Variants in ESYT2 observed in about 807,000 individuals in gnomAD.
ESYT2 encodes extended synaptotagmin-2.
In ESYT2, 54 loss-of-function variants were observed where a neutral mutation model predicts 107.2. That is an observed-to-expected ratio of 0.50 (90% CI 0.40 to 0.63). The LOEUF is 0.63. ESYT2 is among the 30% of genes least tolerant of loss of function. The pLI is 0.00. For missense variants in ESYT2, 1,020 were observed against 1,094.5 expected (o/e 0.93, Z 0.96); for synonymous variants, 491 against 434.1 (o/e 1.13, Z -1.63).
At chr7:158,820,283 T>C (rs1382244649) in intron 1 of ESYT2, among the ~76,000 whole-genome samples, 5 of 152,192 alleles carry the variant, frequency 3.3e-5, no homozygotes, top group Non-Finnish European at 7.3e-5. Context: ...GTTCAAGAGA[T>C]CTATTGTACA....
rs768761539 is a variant in ESYT2 at position 158,767,722 on chromosome 7, G to A, written c.856C>T (p.Pro286Ser). Residue 286 changes from proline to serine, a missense_variant, in exon 8 of 23, where the codon CCC becomes TCC. Coordinates refer to ENST00000275418, the MANE Select transcript of ESYT2 (RefSeq NM_001367773.1). ...ACAAGTGGAACGGTGATTCGATTGG[G>A]AAGCACCAGATAGTTTGATATTATA... is the stretch of plus-strand genomic sequence containing the variant. ...LDIISNYLVL[P>S]NRITVPLVSE... 1 of 1,613,144 alleles carries A rather than the reference G, an allele frequency of 6.2e-7. No individual in the cohort carries two copies. The highest frequency in any genetic ancestry group is 1.7e-5 in the Admixed American group (1 of 59,904).
intron 16 of ESYT2, among the ~76,000 whole-genome samples, chr7:158,745,687 A>G (rs1038876352): frequency 1.4e-5 from 2 of 141,202 alleles, no homozygotes; most frequent in Non-Finnish European, 3.0e-5. Context: ...CAATAATAGA[A>G]AGATTAAAAA....
chr7:158,804,212 G>A (rs1839737936), intron 1 of ESYT2, among the ~76,000 whole-genome samples: 1 of 64,976 alleles, frequency 1.5e-5, no homozygotes, highest in African/African-American at 7.8e-5. Context: ...GGTGAGGCGC[G>A]CGACAAACCC....
At chr7:158,749,579 A>G in intron 15 of ESYT2, 70 bp downstream of exon 15, 1 of 1,457,444 alleles carries the variant, frequency 6.9e-7, no homozygotes, top group Non-Finnish European at 9.6e-7. Flanking sequence ...CGGCATCCCC[A>G]GGTGAGACGG....
intron 1 of ESYT2, among the ~76,000 whole-genome samples, chr7:158,817,108 T>C (rs1840167829): frequency 6.6e-6 from 1 of 152,184 alleles, no homozygotes. Flanking sequence ...CTCCCAACTA[T>C]CTGAACAGCT....
At chr7:158,823,132 T>C (rs556850349) in intron 1 of ESYT2, among the ~76,000 whole-genome samples, 5 of 151,146 alleles carry the variant, frequency 3.3e-5, no homozygotes, top group African/African-American at 9.7e-5. Context: ...GTCTGCACTA[T>C]AATACAAAAG....
intron 6 of ESYT2, among the ~76,000 whole-genome samples, chr7:158,775,210 A>G (rs1422713472): frequency 1.3e-5 from 2 of 152,222 alleles, no homozygotes; most frequent in Admixed American, 1.3e-4. Flanking sequence ...AAAAATGCTA[A>G]CGATCACATA....
At chr7:158,809,021 CA>C (rs970550396) in intron 1 of ESYT2, among the ~76,000 whole-genome samples, 11 of 151,848 alleles carry the variant, frequency 7.2e-5, no homozygotes, top group African/African-American at 2.7e-4. Flanking sequence ...AATAAATAAA[CA>C]AATAAGTTTG....
chr7:158,779,317 T>C (rs1838687764), intron 6 of ESYT2, among the ~76,000 whole-genome samples: 1 of 152,160 alleles, frequency 6.6e-6, no homozygotes, highest in African/African-American at 2.4e-5. Flanking sequence ...GCTGTAGTAG[T>C]GTGCTCCACT....
intron 1 of ESYT2, among the ~76,000 whole-genome samples, chr7:158,809,084 T>C (rs564466980): frequency 6.6e-6 from 1 of 152,330 alleles, no homozygotes; most frequent in East Asian, 1.9e-4. Flanking sequence ...GGTTTGGTAC[T>C]ATCTTGTTTC....
In ESYT2 at chr7:158,818,761, C is replaced by A. The variant is rs529961591; in HGVS notation, c.330+10328G>T. 5.5e-4 allele frequency among the ~76,000 whole-genome samples: 84 copies of A among 152,362 alleles called. 1 individual carries two copies. Among genetic ancestry groups the A allele is most frequent in the African/African-American group, 1.9e-3 (80 of 41,596 alleles). On this transcript the variant is annotated intron_variant, in intron 1 of 22. Coordinates refer to ENST00000275418, the MANE Select transcript of ESYT2 (RefSeq NM_001367773.1). Reference sequence around the variant, plus strand: ...AGGAAACAAGGTTCTAAGAGTTGGACCTGACTCACCCAAGGGCAGGGAGTT... The same window carrying A: ...AGGAAACAAGGTTCTAAGAGTTGGAACTGACTCACCCAAGGGCAGGGAGTT...
At chr7:158,791,414 C>T (rs1012414555) in intron 4 of ESYT2, among the ~76,000 whole-genome samples, 3 of 152,154 alleles carry the variant, frequency 2.0e-5, no homozygotes, top group African/African-American at 2.4e-5. Context: ...GCTCAAGTCC[C>T]GGCTTTCAAT....
intron 7 of ESYT2, 89 bp from the exon 8 acceptor site, chr7:158,767,863 A>T (rs1838217124): frequency 2.8e-6 from 4 of 1,433,512 alleles, no homozygotes; most frequent in Non-Finnish European, 3.8e-6. Context: ...CACGAATATG[A>T]TGTAAGTCCC....
chr7:158,767,563 G>C, intron 8 of ESYT2, 91 bp downstream of exon 8: 1 of 1,519,600 alleles, frequency 6.6e-7, no homozygotes, highest in South Asian at 1.3e-5. Context: ...GCTGGGGAGA[G>C]ACAAAGAGTC....
Position 158,824,469 on chromosome 7 carries a change from T to C in ESYT2, c.330+4620A>G, listed in dbSNP as rs527455537. 1.3e-4 allele frequency among the ~76,000 whole-genome samples: 20 copies of C among 152,360 alleles called. No homozygotes were observed. In the East Asian group the frequency reaches 3.9e-3, roughly 29 times the overall value. ...TTTACATGAGATCACAGTGCATTAT[T>C]TTCTTCTGTTCATTTAGTTCTTAGA... On this transcript the variant is annotated intron_variant, in intron 1 of 22. Coordinates refer to ENST00000275418, the MANE Select transcript of ESYT2 (RefSeq NM_001367773.1).
intron 18 of ESYT2, 45 bp downstream of exon 18, chr7:158,741,478 G>T: frequency 6.6e-7 from 1 of 1,514,628 alleles, no homozygotes. Flanking sequence ...GGGGTGGGGG[G>T]CGCTTGCTCT....
chr7:158,764,416 T>C (rs1380912875), intron 9 of ESYT2, among the ~76,000 whole-genome samples: 4 of 152,344 alleles, frequency 2.6e-5, no homozygotes, highest in Non-Finnish European at 4.4e-5. Context: ...ACTCACATTA[T>C]GAAAAATATT....
At position 158,731,570 on chromosome 7, in the gene ESYT2, G is replaced by C. The variant is rs1442945664; in HGVS notation, c.*2637C>G. 1 of 152,680 alleles carries C rather than the reference G, an allele frequency of 6.5e-6. No homozygotes were observed. Among genetic ancestry groups the C allele is most frequent in the Non-Finnish European group, 1.5e-5 (1 of 68,086 alleles). 9.5% of individuals were successfully genotyped at this position (152,680 alleles called of 1,614,324 possible). On this transcript the variant is annotated 3_prime_UTR_variant, in exon 23 of 23. Transcript: ENST00000275418. ...CATCCGCCCGCCTCGGCCTCCCAAA[G>C]TGCTGGGATTACAGGCGTGAGCCAC...
At chr7:158,799,415 A>G (rs1019533310) in intron 1 of ESYT2, among the ~76,000 whole-genome samples, 6 of 152,196 alleles carry the variant, frequency 3.9e-5, no homozygotes, top group East Asian at 1.9e-4. Flanking sequence ...ACATGTTTCT[A>G]ATTTGTCAGT....
Sources: allele counts gnomAD v4.1 joint callset (sites outside exome capture counted in the v4.1 genomes callset), GRCh38; gene constraint gnomAD v4.1.1; transcripts MANE v1.5; gene names NCBI Gene and HGNC (gene_info 2026-07-23, HGNC 2026-07-21).